The following KCNJ12 variants were observed in gnomAD, a reference collection of about 807,000 sequenced individuals.
The protein encoded by KCNJ12 is ATP-sensitive inward rectifier potassium channel 12.
KCNJ12 carries 2 observed loss-of-function variants against 22.3 expected under a neutral mutation model. The ratio of observed to expected loss-of-function variants is 0.09; its 90% confidence interval spans 0.04 to 0.28. The LOEUF (loss-of-function observed/expected upper bound fraction) is 0.28. KCNJ12 is among the 10% of genes least tolerant of loss of function. KCNJ12 has a pLI of 1.00. For synonymous variants in KCNJ12, 117 were observed against 261.4 expected (o/e 0.45, Z 5.33); for missense variants, 155 against 633.3 (o/e 0.24, Z 8.11).
intron 1 of KCNJ12, among the ~76,000 whole-genome samples, chr17:21,393,406 GC>G (rs2142055883): frequency 1.3e-5 from 2 of 152,170 alleles, no homozygotes; most frequent in East Asian, 1.9e-4. Flanking sequence ...TGCACACCCT[GC>G]CCCACTGCTA....
intron 1 of KCNJ12, among the ~76,000 whole-genome samples, chr17:21,393,190 T>G (rs781797555): frequency 3.3e-4 from 50 of 152,162 alleles, no homozygotes; most frequent in Non-Finnish European, 5.1e-4. Context: ...GGGTGCTGCC[T>G]CATCGCTTTC....
At chr17:21,385,865 G>A (rs1555558565) in intron 1 of KCNJ12, among the ~76,000 whole-genome samples, 1 of 152,206 alleles carries the variant, frequency 6.6e-6, no homozygotes. Context: ...GAGGACAGTG[G>A]GTGGGGAGCA....
chr17:21,391,837 G>C lies in KCNJ12; in HGVS notation c.-179+14924G>C, dbSNP rs797040344. The stretch of plus-strand genomic sequence containing the variant: ...ACCCCAGTCTCCTCGTCACTAGAAG[G>C]GGGACAGGCTGAGGACCTCCCCTGC... On this transcript the variant is annotated intron_variant, in intron 1 of 2. Coordinates refer to ENST00000583088, the MANE Select transcript of KCNJ12 (RefSeq NM_021012.5). Among the ~76,000 whole-genome samples, 8 of 152,358 alleles carry C rather than the reference G, an allele frequency of 5.3e-5. 1 individual carries two copies. Among genetic ancestry groups the C allele is most frequent in the African/African-American group, 1.7e-4 (7 of 41,590 alleles).
chr17:21,416,737 T>C lies in KCNJ12; in HGVS notation c.*93T>C. On this transcript the variant is annotated 3_prime_UTR_variant, in exon 3 of 3. Transcript: ENST00000583088. The stretch of plus-strand genomic sequence containing the variant: ...CCGGGTTTGAGCAGAACGGGCCCAG[T>C]GCCCTGGGTTGCAGACTCAGTAGCG... 1 of 1,452,542 alleles carries C rather than the reference T, an allele frequency of 6.9e-7. No homozygotes were observed. The allele number at this position is 1,452,542 out of a possible 1,614,324, so 90.0% of individuals were successfully genotyped here.
intron 2 of KCNJ12, among the ~76,000 whole-genome samples, chr17:21,412,641 C>T (rs1906428779): frequency 6.6e-6 from 1 of 152,302 alleles, no homozygotes; most frequent in African/African-American, 2.4e-5. Context: ...GTCCCCCCTG[C>T]TGCCGGCTCC....
intron 1 of KCNJ12, among the ~76,000 whole-genome samples, chr17:21,408,076 G>A (rs1414611627): frequency 7.9e-5 from 12 of 152,244 alleles, no homozygotes; most frequent in Non-Finnish European, 1.0e-4. Context: ...CAAGGTTGGC[G>A]TTGGGAAGGC....
chr17:21,414,728 G>A (rs1193430402), intron 2 of KCNJ12, among the ~76,000 whole-genome samples: 2 of 152,312 alleles, frequency 1.3e-5, no homozygotes, highest in African/African-American at 4.8e-5. Flanking sequence ...GTCCAGGGTG[G>A]GTTTGAGGGA....
chr17:21,405,988 A>G (rs1228682126), intron 1 of KCNJ12, among the ~76,000 whole-genome samples: 3 of 152,294 alleles, frequency 2.0e-5, no homozygotes, highest in African/African-American at 7.2e-5. Context: ...TGCCCCTTCC[A>G]GGTAGTAGGG....
chr17:21,402,069 C>T (rs1429481205), intron 1 of KCNJ12, among the ~76,000 whole-genome samples: 36 of 152,282 alleles, frequency 2.4e-4, no homozygotes, highest in African/African-American at 8.7e-4. Flanking sequence ...GCCAAGTCCC[C>T]TCCCTTTCTG....
Position 21,416,488 on chromosome 17 carries a change from C to T in KCNJ12, c.1146C>T (p.Ala382=), listed in dbSNP as rs1906811025. ...CCTTCTGCTACGAGAACGAGCTGGC[C>T]TTCCTGAGCCGTGACGAGGAGGATG... ...ANSFCYENEL[A]FLSRDEEDEA... is the part of the protein sequence containing the mutation. Residue 382 remains alanine, a synonymous_variant, in exon 3 of 3, where the codon GCC becomes GCT. Transcript: ENST00000583088. The T allele has an allele frequency of 9.9e-6, 16 of 1,613,906 alleles. No homozygotes were observed. Among genetic ancestry groups the T allele is most frequent in the Non-Finnish European group, 1.4e-5 (16 of 1,180,052 alleles).
chr17:21,384,528 C>T (rs1311970856), intron 1 of KCNJ12, among the ~76,000 whole-genome samples: 2 of 152,144 alleles, frequency 1.3e-5, no homozygotes, highest in Non-Finnish European at 2.9e-5. Flanking sequence ...AGAGTCGCAG[C>T]CTGGGGCTTT....
At position 21,388,864 on chromosome 17, in the gene KCNJ12, G is replaced by C. The variant is rs531962856; in HGVS notation, c.-179+11951G>C. ...GGTTCTCTAAAGAAGGCCCCGCTGG[G>C]CCCCCCCCGAGGGAAGGTAGAGACA... is the stretch of plus-strand genomic sequence containing the variant. On this transcript the variant is annotated intron_variant, in intron 1 of 2. Coordinates refer to ENST00000583088, the MANE Select transcript of KCNJ12 (RefSeq NM_021012.5). Among the ~76,000 whole-genome samples the C allele has an allele frequency of 2.0e-5, 3 of 151,778 alleles. 1 individual carries two copies. The highest frequency in any genetic ancestry group is 1.3e-4 in the Admixed American group (2 of 15,248).
At chr17:21,379,540 G>A (rs549500176) in intron 1 of KCNJ12, among the ~76,000 whole-genome samples, 1 of 152,194 alleles carries the variant, frequency 6.6e-6, no homozygotes, top group Non-Finnish European at 1.5e-5. Flanking sequence ...CCTGCCCTTG[G>A]AGCCCTGCCA....
rs1555563411 is a variant in KCNJ12, at chr17:21,419,260, ATGAC to A, written c.*2619_*2622del. The A allele has an allele frequency of 6.0e-6, 1 of 165,896 alleles. No homozygotes were observed. The highest frequency in any genetic ancestry group is 1.5e-5 in the Non-Finnish European group (1 of 68,006). The allele number at this position is 165,896 out of a possible 1,614,324, so 10.3% of individuals were successfully genotyped here. A position where few individuals can be genotyped will look rare whatever the true frequency, so the allele number is the denominator to read the frequency against. ...CATGCACACTCGGCTCTTCATGTGT[ATGAC>A]TGGGTTAGTAATACAGATACGTGAT... On this transcript the variant is annotated 3_prime_UTR_variant, in exon 3 of 3. Coordinates refer to ENST00000583088, the MANE Select transcript of KCNJ12 (RefSeq NM_021012.5).
intron 1 of KCNJ12, among the ~76,000 whole-genome samples, chr17:21,402,162 G>A (rs544856514): frequency 2.0e-5 from 3 of 152,262 alleles, no homozygotes; most frequent in Admixed American, 6.5e-5. Context: ...CTTCAGCCCC[G>A]CTGCCCTCCC....
At chr17:21,406,057 A>G (rs1213496485) in intron 1 of KCNJ12, among the ~76,000 whole-genome samples, 2 of 152,254 alleles carry the variant, frequency 1.3e-5, no homozygotes, top group Non-Finnish European at 2.9e-5. Context: ...GGACGTGGAT[A>G]GGGGCTGCTG....
intron 2 of KCNJ12, among the ~76,000 whole-genome samples, chr17:21,414,045 G>C (rs1435980155): frequency 6.6e-6 from 1 of 152,310 alleles, no homozygotes; most frequent in Non-Finnish European, 1.5e-5. Context: ...TGGTGACCAA[G>C]AAGCTGCAAG....
intron 1 of KCNJ12, among the ~76,000 whole-genome samples, chr17:21,380,798 GGCAGTGGGCCCCAGAT>G (rs1904839690): frequency 6.3e-5 from 1 of 15,862 alleles, no homozygotes; most frequent in Non-Finnish European, 1.1e-4. Flanking sequence ...GGCCCCAGAT[GGCAGTGGGCCCCAGAT>G]GGCAGTGGGC....
At chr17:21,378,860 T>C (rs1353766753) in intron 1 of KCNJ12, among the ~76,000 whole-genome samples, 1 of 152,018 alleles carries the variant, frequency 6.6e-6, no homozygotes, top group Non-Finnish European at 1.5e-5. Context: ...CAAAACCCCA[T>C]AAGGTTTCCA....
Sources: gnomAD v4.1 joint callset for allele counts (sites outside exome capture counted in the v4.1 genomes callset) on GRCh38, gnomAD v4.1.1 for gene constraint, MANE v1.5 for transcripts, NCBI Gene and HGNC (gene_info 2026-07-23, HGNC 2026-07-21) for gene names.